The following ARHGAP39 variants were observed in gnomAD, a reference collection of about 807,000 sequenced individuals.
ARHGAP39 encodes rho GTPase-activating protein 39.
In ARHGAP39, 44 loss-of-function variants were observed where a neutral mutation model predicts 106.9. The ratio of observed to expected loss-of-function variants is 0.41; its 90% CI spans 0.32 to 0.53. ARHGAP39 has a LOEUF of 0.53. Among genes scored for constraint, ARHGAP39 ranks in the 20% least tolerant of loss-of-function variants. The pLI is 0.21. For synonymous variants in ARHGAP39, 768 were observed against 693.2 expected, an observed-to-expected ratio of 1.11 and a Z score of -1.69; for missense variants, 1,496 against 1,577.3, an observed-to-expected ratio of 0.95 and a Z score of 0.87.
intron 1 of ARHGAP39, among the ~76,000 whole-genome samples, chr8:144,661,326 G>A (rs191595990): frequency 3.9e-5 from 6 of 152,260 alleles, no homozygotes; most frequent in Middle Eastern, 3.4e-3. Context: ...TTGCGCATTC[G>A]CGCGTGACAC....
chr8:144,676,616 G>A (rs1822247403), intron 1 of ARHGAP39, among the ~76,000 whole-genome samples: 1 of 152,250 alleles, frequency 6.6e-6, no homozygotes, highest in Non-Finnish European at 1.5e-5. Flanking sequence ...CGACCCAGAA[G>A]CCCAGCCGGC....
chr8:144,654,601 C>A (rs1821650816), intron 1 of ARHGAP39, among the ~76,000 whole-genome samples: 1 of 152,218 alleles, frequency 6.6e-6, no homozygotes, highest in South Asian at 2.1e-4. Flanking sequence ...GGAGGCGTGG[C>A]CAGGGCTGCA....
chr8:144,630,685 T>C (rs1320329879), intron 1 of ARHGAP39, among the ~76,000 whole-genome samples: 1 of 152,238 alleles, frequency 6.6e-6, no homozygotes, highest in Non-Finnish European at 1.5e-5. Flanking sequence ...GTGGCACCAC[T>C]AACCCCACCC....
chr8:144,699,222 T>C, the ARHGAP39 span: 2 of 89,296 alleles, frequency 2.2e-5, no homozygotes, highest in South Asian at 1.8e-4. Flanking sequence ...CTATGGAGGA[T>C]GCGGGGTGGT....
At chr8:144,683,827 G>T (rs991122407) in intron 1 of ARHGAP39, among the ~76,000 whole-genome samples, 5 of 151,062 alleles carry the variant, frequency 3.3e-5, no homozygotes, top group African/African-American at 1.2e-4. Context: ...ACATTACATT[G>T]GCAGTGCTGG....
chr8:144,559,882 G>C (rs1818078707), intron 3 of ARHGAP39, among the ~76,000 whole-genome samples: 1 of 152,164 alleles, frequency 6.6e-6, no homozygotes, highest in Non-Finnish European at 1.5e-5. Flanking sequence ...ACAAAGTTTT[G>C]ACTGTGTTTT....
At chr8:144,602,205 G>A (rs376474162) in intron 2 of ARHGAP39, among the ~76,000 whole-genome samples, 13 of 138,192 alleles carry the variant, frequency 9.4e-5, no homozygotes, top group East Asian at 7.2e-4. Flanking sequence ...GCATGGAGGC[G>A]TGCGTGCGAG....
intron 3 of ARHGAP39, among the ~76,000 whole-genome samples, chr8:144,575,256 C>T (rs1209543715): frequency 6.6e-6 from 1 of 152,186 alleles, no homozygotes; most frequent in East Asian, 1.9e-4. Context: ...ACCCTGTACA[C>T]TTCGGCCACA....
chr8:144,544,838 G>C (rs908962794), intron 6 of ARHGAP39, among the ~76,000 whole-genome samples: 2 of 152,242 alleles, frequency 1.3e-5, no homozygotes, highest in Non-Finnish European at 2.9e-5. Context: ...GAGACAACCC[G>C]GATCTTGCCA....
chr8:144,618,725 C>T (rs888147350), intron 1 of ARHGAP39, among the ~76,000 whole-genome samples: 2 of 152,356 alleles, frequency 1.3e-5, no homozygotes, highest in Middle Eastern at 3.4e-3. Context: ...CTCCCTGCAA[C>T]GTGGTACCCG....
intron 3 of ARHGAP39, among the ~76,000 whole-genome samples, chr8:144,564,107 G>C (rs1165064742): frequency 2.0e-5 from 3 of 152,170 alleles, no homozygotes; most frequent in Non-Finnish European, 4.4e-5. Flanking sequence ...AGCAGAATTT[G>C]ATAAATGCCT....
At chr8:144,619,668 G>A (rs1459851734) in intron 1 of ARHGAP39, among the ~76,000 whole-genome samples, 2 of 151,108 alleles carry the variant, frequency 1.3e-5, no homozygotes, top group Non-Finnish European at 2.9e-5. Flanking sequence ...CTGTGTACCT[G>A]AGAGCACGTA....
At position 144,679,854 on chromosome 8, in the gene ARHGAP39, C is replaced by A. The variant is rs150266742; in HGVS notation, c.-82+5832G>T. ...AATTAGCCGGGCATGGTGGTAGGCA[C>A]CTGTAGTCCCAGTTACTTGGGAGGC... On this transcript the variant is annotated intron_variant, in intron 1 of 11. Transcript: ENST00000377307. This position sits in a 1 kb window ranked among gnomAD's most constrained non-coding sequence, Gnocchi z 4.7. Among the ~76,000 whole-genome samples, 649 of 152,278 alleles carry A rather than the reference C, an allele frequency of 4.3e-3. 6 individuals are homozygous for A. Among genetic ancestry groups the A allele is most frequent in the African/African-American group, 0.015 (608 of 41,554 alleles).
chr8:144,598,880 G>C (rs552163130), intron 2 of ARHGAP39, among the ~76,000 whole-genome samples: 1 of 152,268 alleles, frequency 6.6e-6, no homozygotes, highest in South Asian at 2.1e-4. Flanking sequence ...TACAATAAGA[G>C]CTCATGTCTT....
intron 7 of ARHGAP39, 93 bp downstream of exon 7, chr8:144,537,628 A>C (rs112200720): frequency 0.016 from 9,725 of 595,818 alleles, 251 homozygotes; most frequent in African/African-American, 0.1. Flanking sequence ...CCCCCCGCCC[A>C]GAAGCGGTTA....
chr8:144,615,800 C>G (rs1820620127), intron 1 of ARHGAP39, among the ~76,000 whole-genome samples: 1 of 152,250 alleles, frequency 6.6e-6, no homozygotes, highest in Non-Finnish European at 1.5e-5. Flanking sequence ...CCCATTCTCC[C>G]CGCCCAGTGC....
chr8:144,694,679 C>T, the ARHGAP39 span, among the ~76,000 whole-genome samples: 1 of 152,172 alleles, frequency 6.6e-6, no homozygotes, highest in Non-Finnish European at 1.5e-5. Flanking sequence ...GGTGTCAGCG[C>T]CATAGAGTAT....
intron 5 of ARHGAP39, among the ~76,000 whole-genome samples, chr8:144,546,755 A>T (rs1586887938): frequency 6.6e-6 from 1 of 151,686 alleles, no homozygotes; most frequent in Non-Finnish European, 1.5e-5. Flanking sequence ...AACCCCCGAC[A>T]CCTTGGCTGC....
intron 3 of ARHGAP39, among the ~76,000 whole-genome samples, chr8:144,564,810 T>TAA (rs761575851): frequency 1.7e-4 from 19 of 109,516 alleles, no homozygotes; most frequent in African/African-American, 2.7e-4. Context: ...GTGAGATCTC[T>TAA]AAAAAAAAAA....
Sources: gnomAD v4.1 joint callset for allele counts (sites outside exome capture counted in the v4.1 genomes callset) on GRCh38, gnomAD v4.1.1 for gene constraint, Gnocchi (gnomAD v3.1) non-coding constraint, MANE v1.5 for transcripts, NCBI Gene and HGNC (gene_info 2026-07-23, HGNC 2026-07-21) for gene names.